The following PARN variants were observed in gnomAD, a reference collection of about 807,000 sequenced individuals.
PARN encodes poly(A)-specific ribonuclease, also known as poly(A)-specific ribonuclease PARN.
In PARN, 71 loss-of-function variants were observed where a neutral mutation model predicts 102.8. The observed-to-expected ratio is 0.69, with a 90% CI of 0.57 to 0.84. The LOEUF is 0.84. Ranked by LOEUF, PARN falls within the 40% of genes least tolerant of loss-of-function variation. The pLI is 0.00. For missense variants in PARN, 782 were observed against 760.9 expected (o/e 1.03, Z -0.33); for synonymous variants, 261 against 252.9 (o/e 1.03, Z -0.30).
At chr16:14,624,740 G>A (rs548452855) in intron 5 of PARN, among the ~76,000 whole-genome samples, 39 of 151,760 alleles carry the variant, frequency 2.6e-4, no homozygotes, top group African/African-American at 9.4e-4. Flanking sequence ...CCGACATGGA[G>A]AAACCCCATC....
At chr16:14,569,663 ATT>A (rs780997422) in intron 18 of PARN, among the ~76,000 whole-genome samples, 26 of 152,202 alleles carry the variant, frequency 1.7e-4, no homozygotes, top group Non-Finnish European at 3.2e-4. Context: ...GCAAAATATC[ATT>A]GTTTTAATAA....
At chr16:14,600,693 G>A (rs1425386590) in intron 11 of PARN, among the ~76,000 whole-genome samples, 1 of 152,168 alleles carries the variant, frequency 6.6e-6, no homozygotes, top group Non-Finnish European at 1.5e-5. Flanking sequence ...CACTTTGGGA[G>A]GCAGAGGCAG....
intron 5 of PARN, among the ~76,000 whole-genome samples, chr16:14,622,117 C>T (rs767344031): frequency 1.3e-5 from 2 of 152,000 alleles, no homozygotes; most frequent in Non-Finnish European, 2.9e-5. Flanking sequence ...CACTTGAACT[C>T]GGGAGGTGGA....
chr16:14,628,189 A>G lies in PARN; in HGVS notation c.160T>C (p.Tyr54His). The G allele has an allele frequency of 6.3e-7, 1 of 1,596,160 alleles. No individual in the cohort carries two copies. Among genetic ancestry groups the G allele is most frequent in the Non-Finnish European group, 8.6e-7 (1 of 1,164,322 alleles). The change falls in exon 3 of 24, where the codon TAT becomes CAT. Residue 54 changes from tyrosine to histidine, a missense_variant. By Grantham distance (83) the Tyr-to-His change is moderately conservative (BLOSUM62 2). Coordinates refer to ENST00000437198, the MANE Select transcript of PARN (RefSeq NM_002582.4). Reference protein sequence around the residue: ...TNGFDTPEERYQKLKKHSMDF... With the variant: ...TNGFDTPEERHQKLKKHSMDF... ...CCACTTGCCTTTTTAAGCTTCTGAT[A>G]CCTCTCTTCTGGAGTGTCAAAACCA...
chr16:14,501,485 T>TAAAAAAAAAAA (rs1964614612), intron 21 of PARN: 5 of 96,858 alleles, frequency 5.2e-5, no homozygotes, highest in Non-Finnish European at 6.7e-5. Flanking sequence ...GAATGAATGT[T>TAAAAAAAAAAA]AAAATGTAGG....
intron 5 of PARN, among the ~76,000 whole-genome samples, chr16:14,617,890 A>T (rs190554128): frequency 6.6e-6 from 1 of 151,916 alleles, no homozygotes; most frequent in Non-Finnish European, 1.5e-5. Context: ...TTTTTTTTTT[A>T]TAGACAGGGT....
intron 20 of PARN, among the ~76,000 whole-genome samples, chr16:14,552,519 C>G (rs1967373583): frequency 6.6e-6 from 1 of 152,082 alleles, no homozygotes; most frequent in Non-Finnish European, 1.5e-5. Context: ...CTCTGTTGCC[C>G]AAGCTGGAGT....
intron 5 of PARN, 39 bp from the exon 6 acceptor site, chr16:14,617,689 T>G (rs377177139): frequency 3.2e-6 from 4 of 1,235,658 alleles, no homozygotes; most frequent in Middle Eastern, 1.9e-4. Flanking sequence ...TTGGGGATGT[T>G]AGCGGCAGGA....
chr16:14,627,771 T>G (rs972343823), intron 3 of PARN, among the ~76,000 whole-genome samples: 4 of 152,172 alleles, frequency 2.6e-5, no homozygotes, highest in Admixed American at 1.3e-4. Flanking sequence ...GAGGATCATT[T>G]GACGCCAGAA....
intron 21 of PARN, among the ~76,000 whole-genome samples, chr16:14,546,487 T>C (rs1278430933): frequency 6.6e-6 from 1 of 152,226 alleles, no homozygotes; most frequent in African/African-American, 2.4e-5. Context: ...ACTGTTGAGT[T>C]CCTGCCTCTT....
At chr16:14,569,408 T>G (rs1164452145) in intron 18 of PARN, among the ~76,000 whole-genome samples, 1 of 152,086 alleles carries the variant, frequency 6.6e-6, no homozygotes, top group Non-Finnish European at 1.5e-5. Flanking sequence ...GAGATTATGA[T>G]CTACAGTTGA....
chr16:14,629,719 C>A (rs1972912522), intron 1 of PARN, 45 bp from the exon 2 acceptor site: 1 of 1,414,702 alleles, frequency 7.1e-7, no homozygotes, highest in African/African-American at 1.4e-5. Flanking sequence ...GGCCTGAATT[C>A]CTGCTAAGGG....
chr16:14,470,228 T>C (rs994389976), intron 22 of PARN, among the ~76,000 whole-genome samples: 3 of 152,100 alleles, frequency 2.0e-5, no homozygotes, highest in African/African-American at 7.2e-5. Flanking sequence ...AGTGCTTTAA[T>C]GTGTGAGGTG....
intron 22 of PARN, among the ~76,000 whole-genome samples, chr16:14,471,414 G>T (rs1308775818): frequency 6.6e-6 from 1 of 151,982 alleles, no homozygotes; most frequent in Non-Finnish European, 1.5e-5. Context: ...AAGTATTCTA[G>T]GTTTCACATC....
chr16:14,541,566 C>G (rs1373519175), intron 21 of PARN, among the ~76,000 whole-genome samples: 1 of 151,466 alleles, frequency 6.6e-6, no homozygotes, highest in Non-Finnish European at 1.5e-5. Flanking sequence ...ACCTCTGCCT[C>G]CTGGGTTCAA....
intron 21 of PARN, among the ~76,000 whole-genome samples, chr16:14,547,202 T>A (rs534165962): frequency 6.6e-6 from 1 of 152,078 alleles, no homozygotes; most frequent in South Asian, 2.1e-4. Flanking sequence ...ACACTGGCCA[T>A]GTACTGCTTC....
At chr16:14,445,126 C>A (rs1961141636) in intron 23 of PARN, among the ~76,000 whole-genome samples, 1 of 151,394 alleles carries the variant, frequency 6.6e-6, no homozygotes, top group African/African-American at 2.4e-5. Flanking sequence ...CCATGCCTGG[C>A]CCCCTCCAAT....
Position 14,630,216 on chromosome 16 carries a change from G to A in PARN, c.-91C>T, listed in dbSNP as rs549811750. ...GAATTCCGCGGCGACTGCGGCAGTAGCTGAGGCAGCCGCAGCGGTGACGCC... is the reference window on the plus strand; with the variant it reads ...GAATTCCGCGGCGACTGCGGCAGTAACTGAGGCAGCCGCAGCGGTGACGCC... On this transcript the variant is annotated 5_prime_UTR_variant, in exon 1 of 24. Transcript: ENST00000437198. 2.6e-6 allele frequency: 3 copies of A among 1,160,788 alleles called. No individual in the cohort carries two copies. The highest frequency in any genetic ancestry group is 5.4e-5 in the East Asian group (2 of 36,714). The allele number at this position is 1,160,788 out of a possible 1,614,324, so 71.9% of individuals were successfully genotyped here.
chr16:14,522,872 T>C (rs935964295), intron 21 of PARN, among the ~76,000 whole-genome samples: 1 of 152,058 alleles, frequency 6.6e-6, no homozygotes, highest in Non-Finnish European at 1.5e-5. Context: ...AAGTGGGTGC[T>C]AAGAAAAAGG....
Sources: allele counts gnomAD v4.1 joint callset (sites outside exome capture counted in the v4.1 genomes callset), GRCh38; gene constraint gnomAD v4.1.1; transcripts MANE v1.5; gene names NCBI Gene and HGNC (gene_info 2026-07-23, HGNC 2026-07-21).